Variants in TMA16 observed in about 807,000 individuals in gnomAD.
TMA16 encodes the protein translation machinery-associated protein 16.
A neutral mutation model predicts 27.1 loss-of-function variants in TMA16; 26 were observed. The observed-to-expected ratio is 0.96, with a 90% CI of 0.70 to 1.33. The LOEUF is 1.33. Ranked by LOEUF, TMA16 falls within the 40% of genes most tolerant of loss-of-function variation. TMA16 has a pLI of 0.00. For missense variants in TMA16, 233 were observed against 241.4 expected (o/e 0.97, Z 0.23); for synonymous variants, 71 against 81.9 (o/e 0.87, Z 0.72).
rs193118154 is a variant in TMA16, at chr4:163,498,672, A to C, written c.3+3868A>C. ...TTATTTTTATTTTATTTTATTAAAA[A>C]ACTTTTTTTAGAGATGGAGTCTCAC... On this transcript the variant is annotated intron_variant, in intron 1 of 6. Coordinates refer to ENST00000358572, the MANE Select transcript of TMA16 (RefSeq NM_018352.3). Among the ~76,000 whole-genome samples the C allele has an allele frequency of 7.2e-5, 11 of 152,236 alleles. No homozygotes were observed. The East Asian group carries it at 1.5e-3, about 21-fold the overall frequency.
rs570105735 is a variant in TMA16 at position 163,503,195 on chromosome 4, C to T, written c.4-3838C>T. 6.6e-5 allele frequency among the ~76,000 whole-genome samples: 10 copies of T among 152,204 alleles called. No individual in the cohort carries two copies. In the South Asian group the frequency reaches 1.5e-3, roughly 22 times the overall value. The stretch of plus-strand genomic sequence containing the variant: ...ATAAAAAGGAAATCACCTACTGACT[C>T]GTTTCCCAGAAAGTATCCCTGTTAA... On this transcript the variant is annotated intron_variant, in intron 1 of 6. Coordinates refer to ENST00000358572, the MANE Select transcript of TMA16 (RefSeq NM_018352.3).
At chr4:163,497,539 A>G (rs1737575706) in intron 1 of TMA16, among the ~76,000 whole-genome samples, 1 of 152,124 alleles carries the variant, frequency 6.6e-6, no homozygotes, top group South Asian at 2.1e-4. Flanking sequence ...TCTTTCTTTA[A>G]GGGGCTCTAA....
At chr4:163,508,389 C>G (rs1408211428) in intron 2 of TMA16, among the ~76,000 whole-genome samples, 1 of 152,160 alleles carries the variant, frequency 6.6e-6, no homozygotes, top group East Asian at 1.9e-4. Flanking sequence ...AGGGACCACA[C>G]TATGAGAATC....
intron 1 of TMA16, 80 bp downstream of exon 1, chr4:163,494,884 C>T: frequency 1.9e-6 from 3 of 1,588,760 alleles, no homozygotes; most frequent in Non-Finnish European, 2.6e-6. Flanking sequence ...AGGGAGGGTG[C>T]GGTTTCGGGA....
Position 163,519,552 on chromosome 4 carries a change from C to T in TMA16, c.*38C>T, listed in dbSNP as rs769655985. On this transcript the variant is annotated 3_prime_UTR_variant, in exon 7 of 7. Transcript: ENST00000358572. ...GAATTGAAAATAAATAATTTGAGAG[C>T]TTCAAATTATATTCATTGATTATGG... The T allele has an allele frequency of 6.1e-6, 9 of 1,484,142 alleles. No individual in the cohort carries two copies. In the African/African-American group the frequency reaches 1.3e-4, roughly 22 times the overall value. The allele number at this position is 1,484,142 out of a possible 1,614,324, so 91.9% of individuals were successfully genotyped here.
Position 163,515,367 on chromosome 4 carries a change from CAG to C in TMA16, c.295_296del (p.Arg99GlyfsTer26), listed in dbSNP as rs1579020250. 1 of 1,613,958 alleles carries C rather than the reference CAG, an allele frequency of 6.2e-7. No homozygotes were observed. Among genetic ancestry groups the C allele is most frequent in the Non-Finnish European group, 8.5e-7 (1 of 1,179,978 alleles). On this transcript the variant is annotated frameshift_variant, in exon 5 of 7. Coordinates refer to ENST00000358572, the MANE Select transcript of TMA16 (RefSeq NM_018352.3). LOFTEE classifies it high-confidence loss of function. ...LEQIELHNSI[R>X]DRQGRRHCSR... is the part of the protein sequence containing the mutation. ...AGCAGATTGAGTTACATAACAGTAT[CAG>C]GGACAGGCAGGGGAGGCGGCACTGT...
chr4:163,507,787 G>C (rs781417788), intron 2 of TMA16, among the ~76,000 whole-genome samples: 11 of 151,820 alleles, frequency 7.2e-5, no homozygotes, highest in Non-Finnish European at 1.5e-4. Flanking sequence ...GAGAAAGAAG[G>C]CTGTTTCAAA....
chr4:163,500,327 C>T (rs1189261492), intron 1 of TMA16, among the ~76,000 whole-genome samples: 2 of 151,292 alleles, frequency 1.3e-5, no homozygotes, highest in African/African-American at 4.9e-5. Context: ...TCTCCAGTCT[C>T]AGCCTCCCAA....
chr4:163,513,494 C>G (rs1239966969), intron 3 of TMA16, among the ~76,000 whole-genome samples: 1 of 152,106 alleles, frequency 6.6e-6, no homozygotes, highest in Non-Finnish European at 1.5e-5. Context: ...GGTTTACTCA[C>G]AAGGGTGAAT....
intron 1 of TMA16, among the ~76,000 whole-genome samples, chr4:163,498,283 A>G (rs1034212126): frequency 2.1e-5 from 3 of 139,840 alleles, no homozygotes; most frequent in African/African-American, 2.6e-5. Context: ...TCTTGGTTAA[A>G]AGATTTTTTT....
chr4:163,505,794 C>G (rs921234282), intron 1 of TMA16, among the ~76,000 whole-genome samples: 2 of 152,164 alleles, frequency 1.3e-5, no homozygotes, highest in Admixed American at 1.3e-4. Context: ...TTTATGAAGA[C>G]AAGCTCTGTA....
chr4:163,497,668 C>A (rs879072991), intron 1 of TMA16, among the ~76,000 whole-genome samples: 6 of 152,180 alleles, frequency 3.9e-5, no homozygotes, highest in Admixed American at 3.9e-4. Context: ...TGACAGTGAT[C>A]CTCCTGCCTT....
chr4:163,510,922 A>ACATT (rs1737783359), intron 2 of TMA16, among the ~76,000 whole-genome samples: 2 of 152,294 alleles, frequency 1.3e-5, no homozygotes, highest in South Asian at 2.1e-4. Flanking sequence ...TTCCTGTAAA[A>ACATT]CATTCATGTA....
chr4:163,494,915 C>A, intron 1 of TMA16, 111 bp downstream of exon 1: 1 of 1,490,564 alleles, frequency 6.7e-7, no homozygotes, highest in Non-Finnish European at 9.2e-7. Flanking sequence ...GGGGAGGATG[C>A]AAAGTGTTTA....
chr4:163,504,983 A>T (rs983575123), intron 1 of TMA16, among the ~76,000 whole-genome samples: 16 of 152,172 alleles, frequency 1.1e-4, no homozygotes, highest in Admixed American at 9.2e-4. Flanking sequence ...GCTGGTTTCC[A>T]TGAGAGGGGG....
At chr4:163,495,037 T>G (rs560789975) in intron 1 of TMA16, among the ~76,000 whole-genome samples, 56 of 152,332 alleles carry the variant, frequency 3.7e-4, no homozygotes, top group African/African-American at 1.3e-3. Flanking sequence ...ACACGTCGCC[T>G]TGCTCCTCTT....
At chr4:163,509,146 C>A (rs1737756254) in intron 2 of TMA16, among the ~76,000 whole-genome samples, 1 of 152,116 alleles carries the variant, frequency 6.6e-6, no homozygotes, top group Non-Finnish European at 1.5e-5. Context: ...GCTTAGGCCA[C>A]TATAGATGTC....
intron 1 of TMA16, among the ~76,000 whole-genome samples, chr4:163,505,891 A>G (rs749881737): frequency 6.6e-6 from 1 of 152,192 alleles, no homozygotes; most frequent in Non-Finnish European, 1.5e-5. Context: ...GCAATTGACA[A>G]TAATTTTGAA....
At chr4:163,498,530 G>A (rs959875866) in intron 1 of TMA16, among the ~76,000 whole-genome samples, 1 of 152,078 alleles carries the variant, frequency 6.6e-6, no homozygotes, top group Non-Finnish European at 1.5e-5. Context: ...CTCATGATCT[G>A]CCCGCCTCGG....
Sources: gnomAD v4.1 joint callset for allele counts (sites outside exome capture counted in the v4.1 genomes callset) on GRCh38, gnomAD v4.1.1 for gene constraint, MANE v1.5 for transcripts, NCBI Gene and HGNC (gene_info 2026-07-23, HGNC 2026-07-21) for gene names.